The following TMTC2 variants were observed in gnomAD, a reference collection of about 807,000 sequenced individuals.
TMTC2 encodes protein O-mannosyl-transferase TMTC2.
Under a neutral mutation model 82.4 loss-of-function variants are expected in TMTC2, and 43 were observed. That is an observed-to-expected ratio of 0.52 (90% CI 0.41 to 0.67). The LOEUF (loss-of-function observed/expected upper bound fraction) is 0.67. Ranked by LOEUF, TMTC2 falls within the 30% of genes least tolerant of loss-of-function variation. The pLI is 0.00. For missense variants in TMTC2, 919 were observed against 1,012.4 expected (o/e 0.91, Z 1.25); for synonymous variants, 408 against 381.9 (o/e 1.07, Z -0.80).
chr12:82,896,109 T>C lies in TMTC2; in HGVS notation c.946T>C (p.Phe316Leu). The change falls in exon 3 of 12, where the codon TTC (phenylalanine) becomes CTC (leucine). Residue 316 changes from phenylalanine to leucine, a missense_variant. Coordinates refer to ENST00000321196, the MANE Select transcript of TMTC2 (RefSeq NM_152588.3). Reference sequence around the variant, plus strand: ...CTGGAGAAACCTACACACTGTGGCCTTCTATACTGGACTCCTTCTCCTTGC... The same window carrying C: ...CTGGAGAAACCTACACACTGTGGCCCTCTATACTGGACTCCTTCTCCTTGC... Reference protein sequence around the residue: ...CDWRNLHTVAFYTGLLLLAYY... With the variant: ...CDWRNLHTVALYTGLLLLAYY... The C allele has an allele frequency of 6.2e-7, 1 of 1,614,052 alleles. No individual in the cohort carries two copies. The highest frequency in any genetic ancestry group is 8.5e-7 in the Non-Finnish European group (1 of 1,180,014).
intron 11 of TMTC2, among the ~76,000 whole-genome samples, chr12:83,123,997 T>C (rs761160135): frequency 6.6e-6 from 1 of 152,160 alleles, no homozygotes; most frequent in Non-Finnish European, 1.5e-5. Flanking sequence ...GACTGTAAAC[T>C]CCTTAAGGGC....
At chr12:82,735,607 A>T (rs542990899) in intron 1 of TMTC2, among the ~76,000 whole-genome samples, 6 of 151,238 alleles carry the variant, frequency 4.0e-5, no homozygotes, top group East Asian at 2.0e-4. Flanking sequence ...GGCCTCCCAA[A>T]GTGCTGGGAT....
chr12:82,922,075 C>G (rs1192971411), intron 3 of TMTC2, among the ~76,000 whole-genome samples: 1 of 152,076 alleles, frequency 6.6e-6, no homozygotes, highest in Non-Finnish European at 1.5e-5. Context: ...CCACTGCACT[C>G]CAGCCTGGGC....
At chr12:82,959,096 A>G (rs561596108) in intron 4 of TMTC2, among the ~76,000 whole-genome samples, 9 of 152,252 alleles carry the variant, frequency 5.9e-5, no homozygotes, top group African/African-American at 1.9e-4. Flanking sequence ...TACACACACA[A>G]AAATATAGGA....
At chr12:82,987,362 TGC>T (rs757340368) in intron 8 of TMTC2, among the ~76,000 whole-genome samples, 22 of 131,870 alleles carry the variant, frequency 1.7e-4, no homozygotes, top group Non-Finnish European at 2.9e-4. Flanking sequence ...AGGCCAAGGT[TGC>T]GGTGAGCCGA....
intron 3 of TMTC2, among the ~76,000 whole-genome samples, chr12:82,903,771 A>G (rs955136980): frequency 2.0e-5 from 3 of 152,242 alleles, no homozygotes; most frequent in Non-Finnish European, 2.9e-5. Flanking sequence ...TGCCTGGTAA[A>G]GCAAAGGCAT....
At chr12:82,741,973 C>G (rs1385843868) in intron 1 of TMTC2, among the ~76,000 whole-genome samples, 1 of 152,126 alleles carries the variant, frequency 6.6e-6, no homozygotes. Flanking sequence ...CTGGACACAT[C>G]TCTTGTTTGC....
intron 8 of TMTC2, among the ~76,000 whole-genome samples, chr12:83,024,207 A>C (rs578213311): frequency 1.1e-4 from 17 of 152,316 alleles, no homozygotes. Flanking sequence ...CATGTAACAG[A>C]ATGTCACATG....
In TMTC2 at chr12:82,865,791, C is replaced by T. The variant is rs1871816433; in HGVS notation, c.654+8211C>T. ...GCACTCCTCAGCAAATGTAAAAGAA[C>T]AGAAATTATAACAAACTGTCTCTCA... On this transcript the variant is annotated intron_variant, in intron 2 of 11. Coordinates refer to ENST00000321196, the MANE Select transcript of TMTC2 (RefSeq NM_152588.3). 2.0e-5 allele frequency among the ~76,000 whole-genome samples: 3 copies of T among 152,134 alleles called. No individual in the cohort carries two copies. In the South Asian group the frequency reaches 6.2e-4, roughly 31 times the overall value.
At chr12:82,855,903 G>A (rs1871241047) in intron 1 of TMTC2, among the ~76,000 whole-genome samples, 1 of 152,150 alleles carries the variant, frequency 6.6e-6, no homozygotes, top group Non-Finnish European at 1.5e-5. Flanking sequence ...TTTACAAAGT[G>A]CAGACATCTT....
intron 2 of TMTC2, among the ~76,000 whole-genome samples, chr12:82,862,202 T>A (rs761569424): frequency 1.3e-5 from 2 of 152,150 alleles, no homozygotes. Context: ...CATACTAGAC[T>A]TTTATCTGCC....
At chr12:83,079,765 C>G (rs1883402137) in intron 11 of TMTC2, among the ~76,000 whole-genome samples, 1 of 152,146 alleles carries the variant, frequency 6.6e-6, no homozygotes, top group Non-Finnish European at 1.5e-5. Context: ...CTGTAGGTCA[C>G]TCTACCTAAA....
intron 4 of TMTC2, among the ~76,000 whole-genome samples, chr12:82,937,395 A>G (rs1035049173): frequency 6.6e-6 from 1 of 152,070 alleles, no homozygotes; most frequent in African/African-American, 2.4e-5. Context: ...CTATCTTCAC[A>G]TCGCCATCTT....
intron 3 of TMTC2, among the ~76,000 whole-genome samples, chr12:82,903,975 G>C (rs968273383): frequency 2.6e-5 from 4 of 152,142 alleles, no homozygotes; most frequent in African/African-American, 9.7e-5. Flanking sequence ...GTTTCGGATT[G>C]TGTGACTGCA....
chr12:83,091,509 C>T (rs1364243168), intron 11 of TMTC2, among the ~76,000 whole-genome samples: 3 of 152,160 alleles, frequency 2.0e-5, no homozygotes, highest in Non-Finnish European at 2.9e-5. Context: ...TAGCAGTTCA[C>T]ATTCTCACTG....
At chr12:82,697,066 C>G (rs1872837651) in intron 1 of TMTC2, among the ~76,000 whole-genome samples, 1 of 151,384 alleles carries the variant, frequency 6.6e-6, no homozygotes, top group Non-Finnish European at 1.5e-5. Flanking sequence ...CAGATTTTGG[C>G]CGGGCGCAGT....
chr12:82,974,579 G>T (rs1878588347), intron 7 of TMTC2, among the ~76,000 whole-genome samples: 1 of 152,140 alleles, frequency 6.6e-6, no homozygotes, highest in Non-Finnish European at 1.5e-5. Context: ...AGAAAGATGT[G>T]ATACCTATCC....
At chr12:83,119,824 T>C (rs919324258) in intron 11 of TMTC2, among the ~76,000 whole-genome samples, 1 of 152,140 alleles carries the variant, frequency 6.6e-6, no homozygotes, top group African/African-American at 2.4e-5. Flanking sequence ...GGAGCTCCAG[T>C]GTAAGTGCAT....
chr12:82,769,468 T>C (rs1877165530), intron 1 of TMTC2, among the ~76,000 whole-genome samples: 1 of 142,864 alleles, frequency 7.0e-6, no homozygotes, highest in Admixed American at 7.4e-5. Flanking sequence ...AGAGTGAGAC[T>C]GTCTCAAACC....
Sources: gnomAD v4.1 joint callset for allele counts (sites outside exome capture counted in the v4.1 genomes callset) on GRCh38, gnomAD v4.1.1 for gene constraint, MANE v1.5 for transcripts, NCBI Gene and HGNC (gene_info 2026-07-23, HGNC 2026-07-21) for gene names.